WWOX: variants seen among roughly 807,000 people sequenced by gnomAD.
The protein encoded by WWOX is WW domain containing oxidoreductase, also known as WW domain-containing oxidoreductase.
A neutral mutation model predicts 46.2 loss-of-function variants in WWOX; 69 were observed. That is an observed-to-expected ratio of 1.49 (90% CI 1.23 to 1.82). The LOEUF is 1.82. Among genes scored for constraint, WWOX ranks in the 40% most tolerant of loss-of-function variants. The pLI, the probability that WWOX is intolerant of heterozygous loss-of-function variation, is 0.00. For missense variants in WWOX, 919 were observed against 542.6 expected (o/e 1.69, Z -6.89); for synonymous variants, 359 against 202.6 (o/e 1.77, Z -6.56).
At chr16:78,829,566 CCTT>C (rs2051757943) in intron 8 of WWOX, among the ~76,000 whole-genome samples, 1 of 151,346 alleles carries the variant, frequency 6.6e-6, no homozygotes, top group South Asian at 2.1e-4. Context: ...TTTTTTTTTG[CCTT>C]CTTTTTATTT....
intron 8 of WWOX, among the ~76,000 whole-genome samples, chr16:78,822,878 G>T (rs976181703): frequency 2.0e-5 from 3 of 149,434 alleles, no homozygotes; most frequent in Admixed American, 6.7e-5. Flanking sequence ...AGCTAAAAAA[G>T]ATTCCTAGCA....
intron 8 of WWOX, among the ~76,000 whole-genome samples, chr16:78,753,856 G>GTATA (rs1264626542): frequency 3.0e-4 from 18 of 59,324 alleles, no homozygotes; most frequent in African/African-American, 1.1e-3. Context: ...ATATATATAT[G>GTATA]TATATGTATA....
chr16:78,644,062 A>G (rs2046785240), intron 8 of WWOX, among the ~76,000 whole-genome samples: 1 of 152,114 alleles, frequency 6.6e-6, no homozygotes, highest in African/African-American at 2.4e-5. Flanking sequence ...GTGTCTTCTA[A>G]AAGTACAAAA....
intron 5 of WWOX, among the ~76,000 whole-genome samples, chr16:78,206,338 A>G (rs1211353428): frequency 5.3e-5 from 8 of 152,242 alleles, no homozygotes; most frequent in African/African-American, 1.9e-4. Context: ...GGTTGTTAAA[A>G]TAAAGGAACA....
At chr16:79,143,110 A>G (rs925264567) in intron 8 of WWOX, among the ~76,000 whole-genome samples, 15 of 152,190 alleles carry the variant, frequency 9.9e-5, no homozygotes, top group Non-Finnish European at 2.2e-4. Flanking sequence ...TTTGAAAAAA[A>G]AGTTTAAGGG....
chr16:78,635,099 G>A (rs917694750), intron 8 of WWOX, among the ~76,000 whole-genome samples: 1 of 152,028 alleles, frequency 6.6e-6, no homozygotes, highest in Non-Finnish European at 1.5e-5. Context: ...ATGTGATTAC[G>A]CCAGGAAGTC....
chr16:78,718,439 G>A (rs1230668834), intron 8 of WWOX, among the ~76,000 whole-genome samples: 1 of 152,132 alleles, frequency 6.6e-6, no homozygotes, highest in East Asian at 1.9e-4. Context: ...TTGAGTTGGA[G>A]CCAAACTTTA....
chr16:78,860,536 A>T (rs2151191156), intron 8 of WWOX, among the ~76,000 whole-genome samples: 1 of 152,346 alleles, frequency 6.6e-6, no homozygotes, highest in Non-Finnish European at 1.5e-5. Context: ...CATGTGCCAG[A>T]CATTGTTCTA....
intron 5 of WWOX, among the ~76,000 whole-genome samples, chr16:78,184,054 T>C (rs908856769): frequency 6.6e-6 from 1 of 152,174 alleles, no homozygotes; most frequent in Non-Finnish European, 1.5e-5. Context: ...TTGCTCTCTG[T>C]GTGTGAAGCT....
intron 5 of WWOX, among the ~76,000 whole-genome samples, chr16:78,193,240 G>T (rs1217325418): frequency 6.6e-6 from 1 of 152,242 alleles, no homozygotes; most frequent in Non-Finnish European, 1.5e-5. Flanking sequence ...GGCAAAGGCA[G>T]GGAGGGAATG....
At chr16:78,354,442 G>A (rs189884891) in intron 5 of WWOX, among the ~76,000 whole-genome samples, 17 of 150,816 alleles carry the variant, frequency 1.1e-4, no homozygotes, top group African/African-American at 2.9e-4. Flanking sequence ...CCGTTAATCC[G>A]CTCATTACTG....
chr16:78,235,718 G>GT (rs142997018), intron 5 of WWOX, among the ~76,000 whole-genome samples: 14,709 of 152,216 alleles, frequency 0.097, 956 homozygotes, highest in Non-Finnish European at 0.14. Context: ...AGGCCACCCT[G>GT]TTTACAAGGC....
chr16:78,739,181 C>T (rs2049158216), intron 8 of WWOX, among the ~76,000 whole-genome samples: 1 of 151,932 alleles, frequency 6.6e-6, no homozygotes, highest in African/African-American at 2.4e-5. Context: ...TGACTTTTCC[C>T]CTGGATTCTT....
At chr16:78,661,472 G>T (rs139598693) in intron 8 of WWOX, among the ~76,000 whole-genome samples, 35 of 152,202 alleles carry the variant, frequency 2.3e-4, no homozygotes, top group African/African-American at 7.2e-4. Flanking sequence ...TACAAAGTGG[G>T]ATTGAACAGT....
intron 8 of WWOX, among the ~76,000 whole-genome samples, chr16:78,983,016 C>T (rs952187931): frequency 6.6e-6 from 1 of 152,094 alleles, no homozygotes; most frequent in Non-Finnish European, 1.5e-5. Context: ...GTAATATATT[C>T]CTTTGTTTCT....
At chr16:78,591,429 A>G (rs971751863) in intron 8 of WWOX, among the ~76,000 whole-genome samples, 1 of 152,128 alleles carries the variant, frequency 6.6e-6, no homozygotes, top group South Asian at 2.1e-4. Flanking sequence ...CAGCACGTAG[A>G]CCTTCCCTCA....
At position 78,784,103 on chromosome 16, in the gene WWOX, T is replaced by C. The variant is rs530647628; in HGVS notation, c.1056+351351T>C. On this transcript the variant is annotated intron_variant, in intron 8 of 8. Transcript: ENST00000566780. ...CTTACTTTGTACCATGCAATGCTTA[T>C]GGTTTTTTAAATGCATTTACACCAA... Among the ~76,000 whole-genome samples, 142 of 152,320 alleles carry C rather than the reference T, an allele frequency of 9.3e-4. 4 individuals are homozygous for C. The South Asian group carries it at 0.028, about 30-fold the overall frequency.
intron 5 of WWOX, among the ~76,000 whole-genome samples, chr16:78,219,794 C>G (rs1320226046): frequency 6.6e-6 from 1 of 151,980 alleles, no homozygotes; most frequent in Non-Finnish European, 1.5e-5. Flanking sequence ...TTCTCTTTTC[C>G]TTCTCTCCTT....
rs1403174643 is a variant in WWOX, at chr16:78,941,743, G to A, written c.1057-269865G>A. Reference sequence around the variant, plus strand: ...CCCAGGTTTGAAAAGGCAGTTAATCGCCTTACAATGAAATTATATTTTTAA... The same window carrying A: ...CCCAGGTTTGAAAAGGCAGTTAATCACCTTACAATGAAATTATATTTTTAA... On this transcript the variant is annotated intron_variant, in intron 8 of 8. Coordinates refer to ENST00000566780, the MANE Select transcript of WWOX (RefSeq NM_016373.4). Among the ~76,000 whole-genome samples the A allele has an allele frequency of 5.3e-5, 8 of 152,020 alleles. No individual in the cohort carries two copies. The East Asian group carries it at 5.8e-4, about 11-fold the overall frequency.
Sources: gnomAD v4.1 joint callset for allele counts (sites outside exome capture counted in the v4.1 genomes callset) on GRCh38, gnomAD v4.1.1 for gene constraint, MANE v1.5 for transcripts, NCBI Gene and HGNC (gene_info 2026-07-23, HGNC 2026-07-21) for gene names.